The following EML6 variants were observed in gnomAD, a reference collection of about 807,000 sequenced individuals.
EML6 encodes the protein echinoderm microtubule-associated protein-like 6.
EML6 carries 154 observed loss-of-function variants against 240.1 expected under a neutral mutation model. The ratio of observed to expected loss-of-function variants is 0.64; its 90% CI spans 0.56 to 0.73. The LOEUF (loss-of-function observed/expected upper bound fraction) is 0.73, where lower values mean the gene tolerates loss of function less well. Ranked by LOEUF, EML6 falls within the 30% of genes least tolerant of loss-of-function variation. The pLI is 0.00. For missense variants in EML6, 2,964 were observed against 2,474.6 expected (o/e 1.20, Z -4.20); for synonymous variants, 1,148 against 899.0 (o/e 1.28, Z -4.95).
intron 10 of EML6, among the ~76,000 whole-genome samples, chr2:54,853,385 G>C (rs1277690679): frequency 2.0e-5 from 3 of 152,088 alleles, no homozygotes; most frequent in African/African-American, 7.2e-5. Flanking sequence ...GACATTCATA[G>C]AATGTGTAGT....
chr2:54,819,773 G>GGAA (rs1553386414), intron 4 of EML6, among the ~76,000 whole-genome samples: 1 of 123,138 alleles, frequency 8.1e-6, no homozygotes, highest in Non-Finnish European at 1.6e-5. Flanking sequence ...GACTGTCTCA[G>GGAA]AAAAAAAAAA....
intron 12 of EML6, among the ~76,000 whole-genome samples, chr2:54,862,528 A>T (rs1442732552): frequency 6.6e-6 from 1 of 151,908 alleles, no homozygotes; most frequent in African/African-American, 2.4e-5. Flanking sequence ...TAGCTTAGAG[A>T]CTTAGGGTGG....
At chr2:54,729,392 G>C (rs371256458) in intron 2 of EML6, among the ~76,000 whole-genome samples, 1 of 152,200 alleles carries the variant, frequency 6.6e-6, no homozygotes. Flanking sequence ...ATTTGTAAGC[G>C]TATATAAGAC....
At chr2:54,952,029 C>T (rs1468270580) in intron 30 of EML6, among the ~76,000 whole-genome samples, 1 of 152,188 alleles carries the variant, frequency 6.6e-6, no homozygotes, top group Non-Finnish European at 1.5e-5. Flanking sequence ...CTTCCACTTC[C>T]TGTGACATAT....
In EML6 at chr2:54,895,001, A is replaced by G; in HGVS notation, c.2829A>G (p.Arg943=). ...ERCLKTYAIK[R]SALSTSSKGL... The stretch of plus-strand genomic sequence containing the variant: ...GTTTGAAGACTTATGCCATTAAAAG[A>G]TCAGCATTGTCGACTAGCTCAAAAG... The change falls in exon 20 of 42, where the codon AGA becomes AGG. Residue 943 remains arginine, a synonymous_variant. Transcript: ENST00000356458. The G allele has an allele frequency of 6.4e-7, 1 of 1,551,446 alleles. No homozygotes were observed. Among genetic ancestry groups the G allele is most frequent in the East Asian group, 2.4e-5 (1 of 40,912 alleles).
chr2:54,954,435 C>T (rs573474999), intron 32 of EML6, among the ~76,000 whole-genome samples: 84 of 152,236 alleles, frequency 5.5e-4, no homozygotes, highest in African/African-American at 3.1e-4. Flanking sequence ...CCCTCCTCCT[C>T]GGAAGGCAGC....
chr2:54,946,362 C>T (rs774885507), intron 28 of EML6, among the ~76,000 whole-genome samples: 1 of 152,216 alleles, frequency 6.6e-6, no homozygotes, highest in Non-Finnish European at 1.5e-5. Flanking sequence ...CCTCGCACTC[C>T]TGTCCTGTGC....
chr2:54,907,941 TAGATAAGATAGATAGATAGA>T (rs1673424719), intron 24 of EML6, among the ~76,000 whole-genome samples: 1 of 26,104 alleles, frequency 3.8e-5, no homozygotes, highest in African/African-American at 1.3e-4. Context: ...GATAGATAGA[TAGATAAGATAGATAGATAGA>T]TAGATAGATA....
At chr2:54,822,617 A>T (rs1044778856) in intron 5 of EML6, among the ~76,000 whole-genome samples, 7 of 152,320 alleles carry the variant, frequency 4.6e-5, no homozygotes, top group African/African-American at 1.7e-4. Flanking sequence ...AAAATCTATT[A>T]TATGGGGAAG....
At chr2:54,734,201 G>C (rs1469679350) in intron 2 of EML6, among the ~76,000 whole-genome samples, 1 of 152,202 alleles carries the variant, frequency 6.6e-6, no homozygotes, top group African/African-American at 2.4e-5. Flanking sequence ...AGCCGGGCAT[G>C]ATGGCGGGTG....
At chr2:54,836,181 C>G (rs974503711) in intron 7 of EML6, among the ~76,000 whole-genome samples, 1 of 152,130 alleles carries the variant, frequency 6.6e-6, no homozygotes, top group Non-Finnish European at 1.5e-5. Context: ...TGCGCAAGTT[C>G]CGTGTGTGAC....
chr2:54,821,741 T>A, intron 5 of EML6, among the ~76,000 whole-genome samples: 1 of 152,082 alleles, frequency 6.6e-6, no homozygotes, highest in South Asian at 2.1e-4. Context: ...TATAATAGCA[T>A]CTCTAACTGG....
At chr2:54,775,018 TAGTG>T (rs1370552838) in intron 2 of EML6, among the ~76,000 whole-genome samples, 2 of 152,128 alleles carry the variant, frequency 1.3e-5, no homozygotes, top group African/African-American at 4.8e-5. Context: ...AGCAAATACT[TAGTG>T]AGCAGACATG....
intron 16 of EML6, among the ~76,000 whole-genome samples, chr2:54,872,570 C>T (rs570886038): frequency 5.8e-4 from 89 of 152,246 alleles, no homozygotes; most frequent in African/African-American, 1.9e-3. Flanking sequence ...GTTACCATTG[C>T]CACCACATGG....
At chr2:54,738,833 T>A (rs550130265) in intron 2 of EML6, among the ~76,000 whole-genome samples, 2 of 152,346 alleles carry the variant, frequency 1.3e-5, no homozygotes, top group East Asian at 3.9e-4. Context: ...CTTTGGCTAC[T>A]CGTACAAGCA....
rs192495897 is a variant in EML6 at position 54,875,900 on chromosome 2, G to A, written c.2345-3647G>A. ...ACCATATAATTTTTTTAAAAGCTTCGTAGAATAATACTGATTTCCATAAGG... is the reference window on the plus strand; with the variant it reads ...ACCATATAATTTTTTTAAAAGCTTCATAGAATAATACTGATTTCCATAAGG... On this transcript the variant is annotated intron_variant, in intron 16 of 41. Transcript: ENST00000356458. Among the ~76,000 whole-genome samples the A allele has an allele frequency of 1.2e-4, 18 of 152,242 alleles. No individual in the cohort carries two copies. In the East Asian group the frequency reaches 2.3e-3, roughly 20 times the overall value.
At position 54,903,199 on chromosome 2, in the gene EML6, G is replaced by T. The variant is rs1462816596; in HGVS notation, c.3277+3G>T. ...CTCTGATATTAAGTTTTCAAAAGGT[G>T]AAGATGACAGCAGATACTTTTTAAA... On this transcript the variant is annotated splice_donor_region_variant and intron_variant, in intron 23 of 41. Coordinates refer to ENST00000356458, the MANE Select transcript of EML6 (RefSeq NM_001039753.4). The T allele has an allele frequency of 6.4e-7, 1 of 1,551,316 alleles. No homozygotes were observed. Among genetic ancestry groups the T allele is most frequent in the African/African-American group, 1.4e-5 (1 of 73,030 alleles).
At chr2:54,766,330 T>G (rs1668186744) in intron 2 of EML6, among the ~76,000 whole-genome samples, 1 of 152,236 alleles carries the variant, frequency 6.6e-6, no homozygotes, top group South Asian at 2.1e-4. Context: ...GTCTGTTTTG[T>G]CTTCTTTGAT....
chr2:54,879,404 T>A (rs1047242156), intron 16 of EML6, 143 bp from the exon 17 acceptor site: 1 of 634,792 alleles, frequency 1.6e-6, no homozygotes, highest in African/African-American at 1.8e-5. Flanking sequence ...ATACATTGTA[T>A]AATCAAGTCA....
Sources: allele counts gnomAD v4.1 joint callset (sites outside exome capture counted in the v4.1 genomes callset), GRCh38; gene constraint gnomAD v4.1.1; transcripts MANE v1.5; gene names NCBI Gene and HGNC (gene_info 2026-07-23, HGNC 2026-07-21).